The following SPAG9 variants were observed in gnomAD, a reference collection of about 807,000 sequenced individuals.
SPAG9 encodes the protein C-Jun-amino-terminal kinase-interacting protein 4.
In SPAG9, 35 loss-of-function variants were observed where a neutral mutation model predicts 166.5. That is an observed-to-expected ratio of 0.21 (90% CI 0.16 to 0.28). The LOEUF (loss-of-function observed/expected upper bound fraction) is 0.28. Ranked by LOEUF, SPAG9 falls within the 10% of genes least tolerant of loss-of-function variation. SPAG9 has a pLI of 1.00. For synonymous variants in SPAG9, 534 were observed against 565.5 expected (o/e 0.94, Z 0.79); for missense variants, 1,235 against 1,603.3 (o/e 0.77, Z 3.92).
At chr17:51,027,489 T>C (rs940465814) in intron 6 of SPAG9, among the ~76,000 whole-genome samples, 4 of 151,468 alleles carry the variant, frequency 2.6e-5, no homozygotes, top group African/African-American at 9.7e-5. Flanking sequence ...CTACTTTTGG[T>C]CAACAGTACA....
At chr17:51,077,796 G>A (rs1372078626) in intron 2 of SPAG9, among the ~76,000 whole-genome samples, 8 of 151,820 alleles carry the variant, frequency 5.3e-5, no homozygotes, top group Non-Finnish European at 1.2e-4. Context: ...GACTACGGGT[G>A]CGCACCATCA....
intron 1 of SPAG9, among the ~76,000 whole-genome samples, chr17:51,102,745 C>G (rs1281334571): frequency 6.6e-6 from 1 of 152,088 alleles, no homozygotes; most frequent in Non-Finnish European, 1.5e-5. Context: ...CTCAAATAAT[C>G]TGCCCAACTC....
chr17:51,095,630 G>A (rs928099873), intron 1 of SPAG9, among the ~76,000 whole-genome samples: 2 of 150,496 alleles, frequency 1.3e-5, no homozygotes, highest in Non-Finnish European at 3.0e-5. Flanking sequence ...CAGCCTGGGC[G>A]ACAGAGTGAG....
chr17:51,116,576 G>C (rs760875576), intron 1 of SPAG9, among the ~76,000 whole-genome samples: 1 of 152,074 alleles, frequency 6.6e-6, no homozygotes, highest in Non-Finnish European at 1.5e-5. Flanking sequence ...AGACCAGACT[G>C]GGCAACACAG....
Position 51,120,048 on chromosome 17 carries a change from G to C in SPAG9, c.303+306C>G, listed in dbSNP as rs1230847534. ...AACTTCCCTCAACAAGAAGCAACCA[G>C]ACACCCAACAATCTCCGCCCTTGGC... On this transcript the variant is annotated intron_variant, in intron 1 of 29. Transcript: ENST00000262013. The surrounding 1 kb of genome is among the most constrained non-coding windows in gnomAD (Gnocchi z 4.7). Among the ~76,000 whole-genome samples the C allele has an allele frequency of 6.6e-6, 1 of 152,314 alleles. No individual in the cohort carries two copies. Among genetic ancestry groups the C allele is most frequent in the East Asian group, 1.9e-4 (1 of 5,182 alleles).
chr17:50,989,442 T>C, intron 21 of SPAG9: 1 of 563,848 alleles, frequency 1.8e-6, no homozygotes, highest in Non-Finnish European at 3.2e-6. Flanking sequence ...TGCATGATTA[T>C]ACTTTTATAG....
rs762257533 is a variant in SPAG9 at position 50,982,684 on chromosome 17, AT to A, written c.3089-13del. The stretch of plus-strand genomic sequence containing the variant: ...ATCCCACTGCCCATCTTTAAAAAAA[AT>A]AAAAGGTTATAGTAAATACATACCA... On this transcript the variant is annotated splice_polypyrimidine_tract_variant and intron_variant, in intron 24 of 29. Transcript: ENST00000262013. 1.9e-6 allele frequency: 3 copies of A among 1,597,474 alleles called. No homozygotes were observed. Among genetic ancestry groups the A allele is most frequent in the Non-Finnish European group, 2.6e-6 (3 of 1,174,736 alleles).
chr17:50,969,193 C>A (rs1207279876), intron 29 of SPAG9, among the ~76,000 whole-genome samples: 2 of 152,062 alleles, frequency 1.3e-5, no homozygotes, highest in Non-Finnish European at 2.9e-5. Context: ...CTTTTAGTAC[C>A]ACTCCATGCT....
At chr17:51,031,413 T>G in intron 6 of SPAG9, 1 of 476,984 alleles carries the variant, frequency 2.1e-6, no homozygotes. Context: ...GCTGGATAAA[T>G]GCAAACAGGC....
intron 28 of SPAG9, 47 bp from the exon 29 acceptor site, chr17:50,970,903 A>T: frequency 6.7e-7 from 1 of 1,485,436 alleles, no homozygotes; most frequent in Non-Finnish European, 9.2e-7. Flanking sequence ...CACAGAAGGG[A>T]GGCTGTTTTG....
intron 3 of SPAG9, among the ~76,000 whole-genome samples, chr17:51,053,854 A>AGT (rs2047264052): frequency 5.8e-4 from 20 of 34,440 alleles, no homozygotes; most frequent in African/African-American, 2.7e-3. Flanking sequence ...AAAAAAAAAA[A>AGT]GTATATATAT....
At chr17:51,114,056 T>G (rs1220827633) in intron 1 of SPAG9, among the ~76,000 whole-genome samples, 1 of 152,056 alleles carries the variant, frequency 6.6e-6, no homozygotes, top group Non-Finnish European at 1.5e-5. Context: ...CCAGGTGCGG[T>G]GGCTCACGCT....
At chr17:51,077,025 GCTATCTATCTAGCTAT>G (rs1353924870) in intron 2 of SPAG9, among the ~76,000 whole-genome samples, 3,028 of 84,460 alleles carry the variant, frequency 0.036, 84 homozygotes, top group Middle Eastern at 0.059. Context: ...TAGCTATCTA[GCTATCTATCTAGCTAT>G]CTAGCTATCT....
In SPAG9 at chr17:51,006,183, G is replaced by T; in HGVS notation, c.1326C>A (p.Thr442=). 1 of 1,614,140 alleles carries T rather than the reference G, an allele frequency of 6.2e-7. No homozygotes were observed. The highest frequency in any genetic ancestry group is 8.5e-7 in the Non-Finnish European group (1 of 1,179,992). Residue 442 remains threonine, a synonymous_variant, in exon 11 of 30, where the codon ACC becomes ACA. Transcript: ENST00000262013. The stretch of plus-strand genomic sequence containing the variant: ...CCCCTTGCAGCACATCTTTCTCACA[G>T]GTCAGTTCATCCACTTTTGCTATCA... ...NDLIAKVDEL[T]CEKDVLQGEL...
chr17:51,031,435 G>T, intron 6 of SPAG9: 1 of 515,050 alleles, frequency 1.9e-6, no homozygotes, highest in African/African-American at 1.9e-5. Context: ...GAATTTCACA[G>T]AATTTACTTA....
intron 3 of SPAG9, among the ~76,000 whole-genome samples, chr17:51,050,717 C>A: frequency 6.7e-6 from 1 of 150,140 alleles, no homozygotes. Context: ...CAGTATCACT[C>A]AGGTTAAAAA....
intron 12 of SPAG9, among the ~76,000 whole-genome samples, chr17:51,003,991 G>T (rs2045081613): frequency 6.6e-6 from 1 of 152,118 alleles, no homozygotes; most frequent in Non-Finnish European, 1.5e-5. Flanking sequence ...TCATTCAATG[G>T]GATATCATAA....
chr17:51,047,258 G>A lies in SPAG9; in HGVS notation c.590+117C>T, dbSNP rs2047051114. ...TCTCCTGCAGCATTCCAACCACAGT[G>A]GAGAGCTTTTTGAATCAGCCTAACT... On this transcript the variant is annotated intron_variant, in intron 4 of 29. Coordinates refer to ENST00000262013, the MANE Select transcript of SPAG9 (RefSeq NM_001130528.3). 4 of 621,552 alleles carry A rather than the reference G, an allele frequency of 6.4e-6. No homozygotes were observed. In the Admixed American group the frequency reaches 1.2e-4, roughly 19 times the overall value. The allele number at this position is 621,552 out of a possible 1,614,324, so 38.5% of individuals were successfully genotyped here.
At chr17:50,990,353 C>T in intron 20 of SPAG9, 97 bp downstream of exon 20, 1 of 962,268 alleles carries the variant, frequency 1.0e-6, no homozygotes. Flanking sequence ...CAAGTTCTTT[C>T]AACCTTGTTA....
Sources: gnomAD v4.1 joint callset for allele counts (sites outside exome capture counted in the v4.1 genomes callset) on GRCh38, gnomAD v4.1.1 for gene constraint, Gnocchi (gnomAD v3.1) non-coding constraint, MANE v1.5 for transcripts, NCBI Gene and HGNC (gene_info 2026-07-23, HGNC 2026-07-21) for gene names.